PCDHGB1: variants seen among roughly 807,000 people sequenced by gnomAD.
The protein encoded by PCDHGB1 is protocadherin gamma-B1.
In PCDHGB1, 34 loss-of-function variants were observed where a neutral mutation model predicts 56.6. That is an observed-to-expected ratio of 0.60 (90% CI 0.46 to 0.80). The LOEUF (loss-of-function observed/expected upper bound fraction) is 0.80, where lower values mean the gene tolerates loss of function less well. Among genes scored for constraint, PCDHGB1 ranks in the 30% least tolerant of loss-of-function variants. The pLI is 0.00. For synonymous variants in PCDHGB1, 561 were observed against 505.9 expected, an observed-to-expected ratio of 1.11 and a Z score of -1.46; for missense variants, 1,278 against 1,204.6, an observed-to-expected ratio of 1.06 and a Z score of -0.90.
chr5:141,404,932 C>A, intron 1 of PCDHGB1: 1 of 1,613,944 alleles, frequency 6.2e-7, no homozygotes, highest in Non-Finnish European at 8.5e-7. Flanking sequence ...CTGTCACGCT[C>A]ACAGTAGCCA....
chr5:141,397,919 C>G (rs1158998805), intron 1 of PCDHGB1: 2 of 723,460 alleles, frequency 2.8e-6, no homozygotes, highest in East Asian at 5.5e-5. Flanking sequence ...TCCAGATCTC[C>G]TCGCGCAGCC....
chr5:141,353,859 A>T (rs1019409823), intron 1 of PCDHGB1, among the ~76,000 whole-genome samples: 9 of 152,234 alleles, frequency 5.9e-5, no homozygotes, highest in Non-Finnish European at 2.9e-5. Flanking sequence ...AAACACGTTT[A>T]ATCTACTCTC....
chr5:141,451,582 T>C (rs1361047985), intron 1 of PCDHGB1, among the ~76,000 whole-genome samples: 1 of 152,012 alleles, frequency 6.6e-6, no homozygotes, highest in Non-Finnish European at 1.5e-5. Flanking sequence ...TAAACCTAAT[T>C]TTGAAAGTGA....
At chr5:141,362,108 C>T in intron 1 of PCDHGB1, 13 of 1,613,972 alleles carry the variant, frequency 8.1e-6, no homozygotes, top group Non-Finnish European at 1.1e-5. Flanking sequence ...TCCGCTACGG[C>T]CACGCTGCAC....
chr5:141,496,467 T>A (rs1334392771), intron 2 of PCDHGB1, among the ~76,000 whole-genome samples: 1 of 152,056 alleles, frequency 6.6e-6, no homozygotes, highest in Non-Finnish European at 1.5e-5. Context: ...GAGTTATCTT[T>A]CCCCCATCCT....
intron 1 of PCDHGB1, chr5:141,419,197 T>A (rs560134083): frequency 6.2e-7 from 1 of 1,613,966 alleles, no homozygotes; most frequent in East Asian, 2.2e-5. Flanking sequence ...CTGACGTCAA[T>A]GACAACGCGC....
intron 2 of PCDHGB1, among the ~76,000 whole-genome samples, chr5:141,500,148 G>A (rs936567158): frequency 6.6e-6 from 1 of 150,990 alleles, no homozygotes; most frequent in Non-Finnish European, 1.5e-5. Flanking sequence ...ACTTTTCTTT[G>A]TGTAATCAAA....
Position 141,397,017 on chromosome 5 carries a change from G to T in PCDHGB1, c.2409+44348G>T, listed in dbSNP as rs149652099. On this transcript the variant is annotated intron_variant, in intron 1 of 3. Transcript: ENST00000523390. ...TAATCTGACAAATGGACTAAAGAAG[G>T]TTGACCAATGTCCACAAATTTATGT... Among the ~76,000 whole-genome samples, 399 of 152,296 alleles carry T rather than the reference G, an allele frequency of 2.6e-3. 1 individual carries two copies. Among genetic ancestry groups the T allele is most frequent in the Non-Finnish European group, 4.1e-3 (279 of 68,028 alleles).
At chr5:141,410,767 G>T in intron 1 of PCDHGB1, 6 of 942,270 alleles carry the variant, frequency 6.4e-6, no homozygotes, top group South Asian at 2.2e-5. Context: ...TTCAATTATA[G>T]TTTTCACTAT....
At chr5:141,480,285 T>C (rs1369369395) in intron 1 of PCDHGB1, among the ~76,000 whole-genome samples, 1 of 151,924 alleles carries the variant, frequency 6.6e-6, no homozygotes, top group East Asian at 1.9e-4. Flanking sequence ...TGTGTTGGCA[T>C]GCACCTGTGG....
At chr5:141,452,831 G>A (rs1184490491) in intron 1 of PCDHGB1, among the ~76,000 whole-genome samples, 1 of 152,104 alleles carries the variant, frequency 6.6e-6, no homozygotes, top group Non-Finnish European at 1.5e-5. Flanking sequence ...AAAATCACTT[G>A]GTCCAGCCCA....
intron 1 of PCDHGB1, chr5:141,398,701 C>G (rs757215015): frequency 6.2e-7 from 1 of 1,613,658 alleles, no homozygotes; most frequent in African/African-American, 1.3e-5. Flanking sequence ...TAGTAAATAC[C>G]CGGAACTGGC....
chr5:141,477,878 C>A lies in PCDHGB1; in HGVS notation c.2410-16929C>A. ...GCTGCCTCGAGGTACCTCAGCTGGC[C>A]ACCTAGTGTCACGGGTGGTAGGCTG... is the stretch of plus-strand genomic sequence containing the variant. On this transcript the variant is annotated intron_variant, in intron 1 of 3. Transcript: ENST00000523390. The surrounding 1 kb of genome is among the most constrained non-coding windows in gnomAD (Gnocchi z 4.9). 1.2e-6 allele frequency: 2 copies of A among 1,614,158 alleles called. No individual in the cohort carries two copies. Among genetic ancestry groups the A allele is most frequent in the Non-Finnish European group, 1.7e-6 (2 of 1,180,008 alleles).
At chr5:141,505,666 G>T (rs904221281) in intron 3 of PCDHGB1, among the ~76,000 whole-genome samples, 185 bp downstream of exon 3, 3 of 152,180 alleles carry the variant, frequency 2.0e-5, no homozygotes, top group Non-Finnish European at 4.4e-5. Context: ...ACAGCAGAGG[G>T]GTTGGGGGTC....
intron 1 of PCDHGB1, among the ~76,000 whole-genome samples, chr5:141,450,823 A>ATTT: frequency 7.5e-6 from 1 of 133,136 alleles, no homozygotes; most frequent in African/African-American, 2.9e-5. Flanking sequence ...TAATATTATT[A>ATTT]TTATTATTTT....
Position 141,490,983 on chromosome 5 carries a change from C to T in PCDHGB1, c.2410-3824C>T. ...ACTCAGCCCCCCAGCGTCTCCCTCG[C>T]TCTGCTCCTCCTGGCTCCTTGGTCA... On this transcript the variant is annotated intron_variant, in intron 1 of 3. Transcript: ENST00000523390. The surrounding 1 kb of genome is among the most constrained non-coding windows in gnomAD (Gnocchi z 5.4). 2 of 1,614,120 alleles carry T rather than the reference C, an allele frequency of 1.2e-6. No individual in the cohort carries two copies. Among genetic ancestry groups the T allele is most frequent in the South Asian group, 2.2e-5 (2 of 91,082 alleles).
chr5:141,422,239 G>C (rs2096636040), intron 1 of PCDHGB1: 3 of 1,566,586 alleles, frequency 1.9e-6, no homozygotes, highest in East Asian at 4.5e-5. Context: ...GTTGATCACT[G>C]TTGTGGATGT....
At chr5:141,361,494 A>G (rs760056101) in intron 1 of PCDHGB1, 66 of 1,613,860 alleles carry the variant, frequency 4.1e-5, no homozygotes, top group Non-Finnish European at 5.4e-5. Flanking sequence ...CAGTTTTCCA[A>G]CAGACTTCCT....
At chr5:141,447,725 C>G (rs1009407606) in intron 1 of PCDHGB1, among the ~76,000 whole-genome samples, 4 of 152,174 alleles carry the variant, frequency 2.6e-5, no homozygotes, top group African/African-American at 9.7e-5. Context: ...TTTTCCAAAA[C>G]TCATTGAACT....
Sources: allele counts gnomAD v4.1 joint callset (sites outside exome capture counted in the v4.1 genomes callset), GRCh38; gene constraint gnomAD v4.1.1; non-coding constraint Gnocchi (gnomAD v3.1); transcripts MANE v1.5; gene names NCBI Gene and HGNC (gene_info 2026-07-23, HGNC 2026-07-21).